The following NAGPA variants were observed in gnomAD, a reference collection of about 807,000 sequenced individuals.
The protein encoded by NAGPA is alpha-N-acetylglucosaminyl phosphodiesterase.
In NAGPA, 56 loss-of-function variants were observed where a neutral mutation model predicts 48.5. The ratio of observed to expected loss-of-function variants is 1.15; its 90% CI spans 0.93 to 1.44. NAGPA has a LOEUF of 1.44. Ranked by LOEUF, NAGPA falls within the 40% of genes most tolerant of loss-of-function variation. NAGPA has a pLI of 0.00. For missense variants in NAGPA, 888 were observed against 735.0 expected, an observed-to-expected ratio of 1.21 and a Z score of -2.41; for synonymous variants, 399 against 315.5, an observed-to-expected ratio of 1.26 and a Z score of -2.81.
Position 5,025,213 on chromosome 16 carries a change from C to A in NAGPA, c.*265G>T, listed in dbSNP as rs112730472. 237 of 540,168 alleles carry A rather than the reference C, an allele frequency of 4.4e-4. No homozygotes were observed. Among genetic ancestry groups the A allele is most frequent in the African/African-American group, 4.0e-3 (210 of 52,726 alleles). The allele number at this position is 540,168 out of a possible 1,614,324, so 33.5% of individuals were successfully genotyped here. A position where few individuals can be genotyped will look rare whatever the true frequency, so the allele number is the denominator to read the frequency against. ...GGCAGTGCGGCAGCCCTCCCGGGGG[C>A]ACGGGCTTCTCGGCAGCAGACACAG... On this transcript the variant is annotated 3_prime_UTR_variant, in exon 10 of 10. Transcript: ENST00000312251.
chr16:5,027,261 C>G lies in NAGPA; in HGVS notation c.1276+17G>C, dbSNP rs1320193461. 1.9e-6 allele frequency: 3 copies of G among 1,613,594 alleles called. No homozygotes were observed. Among genetic ancestry groups the G allele is most frequent in the Non-Finnish European group, 2.5e-6 (3 of 1,179,574 alleles). On this transcript the variant is annotated intron_variant, in intron 8 of 9. Coordinates refer to ENST00000312251, the MANE Select transcript of NAGPA (RefSeq NM_016256.4). The stretch of plus-strand genomic sequence containing the variant: ...AGGAGCGTCTGCCCATACCCCTCCC[C>G]TTGGAGGGATAGGTACCTCTGGAGA...
chr16:5,029,085 C>T, intron 4 of NAGPA, 77 bp from the exon 5 acceptor site: 1 of 1,597,416 alleles, frequency 6.3e-7, no homozygotes, highest in South Asian at 1.1e-5. Flanking sequence ...TTCCACAGTG[C>T]AGAGCATCAC....
At chr16:5,031,439 G>A (rs1209543974) in intron 3 of NAGPA, 1 of 387,512 alleles carries the variant, frequency 2.6e-6, no homozygotes, top group East Asian at 6.0e-5. Flanking sequence ...GCAGGTCCAT[G>A]AAGATTTTTT....
At chr16:5,026,221 G>A (rs145928799) in intron 9 of NAGPA, among the ~76,000 whole-genome samples, 447 of 149,738 alleles carry the variant, frequency 3.0e-3, no homozygotes, top group African/African-American at 0.01. Flanking sequence ...GAGCCACCAC[G>A]CCTGGCCTGA....
rs187388248 is a variant in NAGPA at position 5,030,321 on chromosome 16, T to G, written c.791+64A>C. 14 of 1,435,176 alleles carry G rather than the reference T, an allele frequency of 9.8e-6. No homozygotes were observed. The Admixed American group carries it at 2.4e-4, about 24-fold the overall frequency. 88.9% of individuals were successfully genotyped at this position (1,435,176 alleles called of 1,614,324 possible). A position where few individuals can be genotyped will look rare whatever the true frequency, so the allele number is the denominator to read the frequency against. Reference sequence around the variant, plus strand: ...GGTAGAGTCAGAGGGTGGCTGTCATTGGGTCAACGTTCCTCCTAGCAGGAC... The same window carrying G: ...GGTAGAGTCAGAGGGTGGCTGTCATGGGGTCAACGTTCCTCCTAGCAGGAC... On this transcript the variant is annotated intron_variant, in intron 4 of 9. Coordinates refer to ENST00000312251, the MANE Select transcript of NAGPA (RefSeq NM_016256.4).
rs1567137284 is a variant in NAGPA, at chr16:5,025,576, C to G, written c.1450G>C (p.Gly484Arg). 1 of 1,613,738 alleles carries G rather than the reference C, an allele frequency of 6.2e-7. No homozygotes were observed. The highest frequency in any genetic ancestry group is 8.5e-7 in the Non-Finnish European group (1 of 1,180,030). ...SRAERNRRLH[G>R]DYAYHPLQEM... The stretch of plus-strand genomic sequence containing the variant: ...TGCAGCGGGTGGTATGCATAGTCCC[C>G]ATGCAGGCGCCGGTTCCTCTCTGCT... The change falls in exon 10 of 10, where the codon GGG (glycine) becomes CGG (arginine). Residue 484 changes from glycine (G) to arginine (R), a missense_variant. By Grantham distance (125) the Gly-to-Arg change is moderately radical. Transcript: ENST00000312251.
In NAGPA at chr16:5,033,500, C is replaced by G; in HGVS notation, c.315G>C (p.Ser105=). ...CGCCGGGTCCACCGGGCTCCAGCAC[C>G]GAGAAGGTGCGCAGGGGCTCAACGG... The part of the protein sequence containing the change: ...TRAVEPLRTF[S]VLEPGGPGGC... Residue 105 remains serine, a synonymous_variant, in exon 2 of 10, where the codon TCG becomes TCC. Transcript: ENST00000312251. The surrounding 1 kb of genome is among the most constrained non-coding windows in gnomAD (Gnocchi z 4.2). 1 of 1,556,356 alleles carries G rather than the reference C, an allele frequency of 6.4e-7. No homozygotes were observed. Among genetic ancestry groups the G allele is most frequent in the Non-Finnish European group, 8.6e-7 (1 of 1,159,844 alleles).
chr16:5,025,425 A>G lies in NAGPA; in HGVS notation c.*53T>C. The stretch of plus-strand genomic sequence containing the variant: ...CCTTGAAATTTCCCCTGCAGAAGCC[A>G]GACCGTGGGGAAACAAGCTTTCGCG... On this transcript the variant is annotated 3_prime_UTR_variant, in exon 10 of 10. Transcript: ENST00000312251. 1 of 1,600,272 alleles carries G rather than the reference A, an allele frequency of 6.2e-7. No homozygotes were observed. The highest frequency in any genetic ancestry group is 8.5e-7 in the Non-Finnish European group (1 of 1,171,666).
intron 9 of NAGPA, 145 bp from the exon 10 acceptor site, chr16:5,025,830 ATGGACTAGG>A: frequency 1.2e-6 from 1 of 818,528 alleles, no homozygotes; most frequent in Admixed American, 2.2e-5. Context: ...TATGAGCAAA[ATGGACTAGG>A]TGGGGATGGG....
At chr16:5,027,779 C>G (rs1383179916) in intron 7 of NAGPA, 67 bp downstream of exon 7, 2 of 1,542,954 alleles carry the variant, frequency 1.3e-6, no homozygotes, top group African/African-American at 1.4e-5. Flanking sequence ...ACAGAAGCAG[C>G]AGAGGAGCAG....
intron 4 of NAGPA, chr16:5,029,474 G>C (rs1474263416): frequency 4.1e-6 from 1 of 243,696 alleles, no homozygotes; most frequent in Non-Finnish European, 8.2e-6. Flanking sequence ...GAGGCGACGG[G>C]GATTCTTCCA....
chr16:5,028,600 TGG>T, intron 5 of NAGPA: 1 of 557,822 alleles, frequency 1.8e-6, no homozygotes, highest in Non-Finnish European at 3.2e-6. Flanking sequence ...CTTTCACATG[TGG>T]TGCCCTCTGC....
chr16:5,033,336 C>T lies in NAGPA; in HGVS notation c.479G>A (p.Ser160Asn). Residue 160 changes from serine (S) to asparagine (N), a missense_variant, in exon 2 of 10, where the codon AGC (serine) becomes AAC (asparagine). Physicochemically the swap from Ser to Asn is conservative, Grantham distance 46 (BLOSUM62 1). Coordinates refer to ENST00000312251, the MANE Select transcript of NAGPA (RefSeq NM_016256.4). This position sits in a 1 kb window ranked among gnomAD's most constrained non-coding sequence, Gnocchi z 4.2. Reference protein sequence around the residue: ...GNVVSDERRVSSSGGLQNAQF... With the variant: ...GNVVSDERRVNSSGGLQNAQF... ...CGCGTTCTGCAGCCCCCCGGAGCTG[C>T]TCACCCGCCGCTCGTCGCTCACCAC... 3 of 1,597,488 alleles carry T rather than the reference C, an allele frequency of 1.9e-6. No homozygotes were observed. In the South Asian group the frequency reaches 3.3e-5, roughly 18 times the overall value.
In NAGPA at chr16:5,031,767, C is replaced by T. The variant is rs148361176; in HGVS notation, c.660G>A (p.Glu220=). The change falls in exon 3 of 10, where the codon GAG becomes GAA. Residue 220 remains glutamate, a synonymous_variant. Transcript: ENST00000312251. ...AACCTGTCTCCTGTGTCTCGTCACA[C>T]TCTGTGGCTTGGCTCTCGTTGATGT... ...SIYINESQAT[E]CDETQETGSF... 1 of 1,614,168 alleles carries T rather than the reference C, an allele frequency of 6.2e-7. No homozygotes were observed. Among genetic ancestry groups the T allele is most frequent in the Non-Finnish European group, 8.5e-7 (1 of 1,180,032 alleles).
chr16:5,025,547 C>CT lies in NAGPA; in HGVS notation c.1478dup (p.Met494AspfsTer188). ...CTGCGGCCAGAGGCTCCCCGTTCAT[C>CT]TCCTGCAGCGGGTGGTATGCATAGT... is the stretch of plus-strand genomic sequence containing the variant. On this transcript the variant is annotated frameshift_variant, in exon 10 of 10. Coordinates refer to ENST00000312251, the MANE Select transcript of NAGPA (RefSeq NM_016256.4). LOFTEE classifies it high-confidence loss of function. The CT allele has an allele frequency of 1.2e-6, 2 of 1,613,528 alleles. No homozygotes were observed. The highest frequency in any genetic ancestry group is 1.7e-6 in the Non-Finnish European group (2 of 1,180,012).
At chr16:5,026,165 G>A (rs1285189964) in intron 9 of NAGPA, among the ~76,000 whole-genome samples, 1 of 148,428 alleles carries the variant, frequency 6.7e-6, no homozygotes, top group Admixed American at 6.9e-5. Flanking sequence ...CTGACCTCAA[G>A]TGATCCACCT....
chr16:5,029,553 C>T (rs1176020883), intron 4 of NAGPA: 1 of 195,740 alleles, frequency 5.1e-6, no homozygotes, highest in African/African-American at 2.3e-5. Flanking sequence ...TTGGTTTTGT[C>T]CATGGGACAC....
chr16:5,025,591 T>C lies in NAGPA; in HGVS notation c.1435A>G (p.Asn479Asp), dbSNP rs1955984426. The C allele has an allele frequency of 6.2e-7, 1 of 1,613,910 alleles. No individual in the cohort carries two copies. Among genetic ancestry groups the C allele is most frequent in the South Asian group, 1.1e-5 (1 of 91,060 alleles). Residue 479 changes from asparagine (N) to aspartate (D), a missense_variant, in exon 10 of 10, where the codon AAC (asparagine) becomes GAC (aspartate). Asn to Asp is a conservative substitution (Grantham distance 23, BLOSUM62 1). Coordinates refer to ENST00000312251, the MANE Select transcript of NAGPA (RefSeq NM_016256.4). ...GCATAGTCCCCATGCAGGCGCCGGTTCCTCTCTGCTCTGGACAGGAGCAAG... is the reference window on the plus strand; with the variant it reads ...GCATAGTCCCCATGCAGGCGCCGGTCCCTCTCTGCTCTGGACAGGAGCAAG... Reference protein sequence around the residue: ...LSLLLSRAERNRRLHGDYAYH... With the variant: ...LSLLLSRAERDRRLHGDYAYH...
chr16:5,031,422 C>T (rs929773804), intron 3 of NAGPA: 3 of 361,048 alleles, frequency 8.3e-6, no homozygotes, highest in Non-Finnish European at 1.1e-5. Flanking sequence ...TGGGCCACGC[C>T]GATGTTGCAG....
Sources: gnomAD v4.1 joint callset for allele counts (sites outside exome capture counted in the v4.1 genomes callset) on GRCh38, gnomAD v4.1.1 for gene constraint, Gnocchi (gnomAD v3.1) non-coding constraint, MANE v1.5 for transcripts, NCBI Gene and HGNC (gene_info 2026-07-23, HGNC 2026-07-21) for gene names.